The following CNTNAP2 variants were observed in gnomAD, a reference collection of about 807,000 sequenced individuals.
The protein encoded by CNTNAP2 is contactin-associated protein-like 2.
Under a neutral mutation model 155.2 loss-of-function variants are expected in CNTNAP2, and 98 were observed. That is an observed-to-expected ratio of 0.63 (90% CI 0.54 to 0.75). The LOEUF (loss-of-function observed/expected upper bound fraction) is 0.75. Among genes scored for constraint, CNTNAP2 ranks in the 30% least tolerant of loss-of-function variants. The probability of loss-of-function intolerance (pLI) is 0.00; values close to 1 mark genes in which losing one functional copy is unlikely to be tolerated. For synonymous variants in CNTNAP2, 651 were observed against 631.2 expected, an observed-to-expected ratio of 1.03 and a Z score of -0.47; for missense variants, 1,727 against 1,688.1, an observed-to-expected ratio of 1.02 and a Z score of -0.40.
At chr7:147,623,862 T>C (rs933188717) in intron 12 of CNTNAP2, among the ~76,000 whole-genome samples, 84 of 152,068 alleles carry the variant, frequency 5.5e-4, no homozygotes, top group African/African-American at 1.8e-3. Context: ...TAACTTCAAA[T>C]TATGCTACAG....
intron 3 of CNTNAP2, among the ~76,000 whole-genome samples, chr7:146,959,143 C>CCGAGTAA (rs1797501198): frequency 6.6e-6 from 1 of 151,960 alleles, no homozygotes; most frequent in Non-Finnish European, 1.5e-5. Flanking sequence ...CCTCAGCCTG[C>CCGAGTAA]CGAGTAACTG....
At chr7:147,992,973 A>T (rs1036736860) in intron 15 of CNTNAP2, among the ~76,000 whole-genome samples, 33 of 152,252 alleles carry the variant, frequency 2.2e-4, no homozygotes, top group Non-Finnish European at 4.6e-4. Context: ...ACTGAATAGG[A>T]TACAAAGTAG....
chr7:146,694,022 C>T (rs1800742606), intron 1 of CNTNAP2, among the ~76,000 whole-genome samples: 1 of 151,874 alleles, frequency 6.6e-6, no homozygotes, highest in African/African-American at 2.4e-5. Context: ...TAAAAAAAAT[C>T]ATTTCACATA....
intron 1 of CNTNAP2, among the ~76,000 whole-genome samples, chr7:146,454,878 GA>G (rs1796533184): frequency 6.6e-6 from 1 of 152,064 alleles, no homozygotes; most frequent in Non-Finnish European, 1.5e-5. Context: ...TCTGTTAATG[GA>G]AAAATTGTAT....
At chr7:147,159,124 A>G (rs946586957) in intron 8 of CNTNAP2, among the ~76,000 whole-genome samples, 6 of 152,062 alleles carry the variant, frequency 3.9e-5, no homozygotes, top group African/African-American at 1.4e-4. Flanking sequence ...ACTGCACAAC[A>G]TCTTCGGGCA....
At chr7:148,347,732 C>G (rs1260897783) in intron 21 of CNTNAP2, among the ~76,000 whole-genome samples, 1 of 152,082 alleles carries the variant, frequency 6.6e-6, no homozygotes, top group Non-Finnish European at 1.5e-5. Context: ...AGCTCAGAGA[C>G]CAACATAGAG....
At chr7:146,918,201 G>T (rs187060370) in intron 3 of CNTNAP2, among the ~76,000 whole-genome samples, 2 of 152,142 alleles carry the variant, frequency 1.3e-5, no homozygotes, top group East Asian at 3.9e-4. Context: ...GAGAGGTGAG[G>T]TATTGTTTTA....
chr7:146,476,139 A>T lies in CNTNAP2; in HGVS notation c.98-298132A>T, dbSNP rs548291694. On this transcript the variant is annotated intron_variant, in intron 1 of 23. Transcript: ENST00000361727. Reference sequence around the variant, plus strand: ...ACCTAGTCATTTGTACTGGTTTCAGATACAGTAAAATATCAACTTCACCTT... The same window carrying T: ...ACCTAGTCATTTGTACTGGTTTCAGTTACAGTAAAATATCAACTTCACCTT... Among the ~76,000 whole-genome samples the T allele has an allele frequency of 2.6e-5, 4 of 152,252 alleles. No individual in the cohort carries two copies. The South Asian group carries it at 8.3e-4, about 32-fold the overall frequency.
chr7:147,785,457 A>G (rs1273256926), intron 13 of CNTNAP2, among the ~76,000 whole-genome samples: 1 of 152,132 alleles, frequency 6.6e-6, no homozygotes, highest in African/African-American at 2.4e-5. Context: ...TGGTAGAATA[A>G]TAGGTGGGAA....
intron 1 of CNTNAP2, among the ~76,000 whole-genome samples, chr7:146,370,739 C>G (rs1043449576): frequency 1.3e-5 from 2 of 151,972 alleles, no homozygotes; most frequent in African/African-American, 4.8e-5. Flanking sequence ...AAGACAAAGA[C>G]AAATGAAAGA....
chr7:147,952,945 G>A (rs936903089), intron 14 of CNTNAP2, among the ~76,000 whole-genome samples: 15 of 152,132 alleles, frequency 9.9e-5, no homozygotes, highest in African/African-American at 3.1e-4. Context: ...TTGCACCTGA[G>A]AAACGTAGAG....
At chr7:146,246,410 A>G (rs763720659) in intron 1 of CNTNAP2, among the ~76,000 whole-genome samples, 8 of 150,636 alleles carry the variant, frequency 5.3e-5, no homozygotes, top group South Asian at 2.1e-4. Flanking sequence ...TTAAAAGAGT[A>G]TTGTCTAAGT....
intron 15 of CNTNAP2, among the ~76,000 whole-genome samples, chr7:148,077,682 T>C (rs1050446184): frequency 5.3e-5 from 8 of 152,198 alleles, no homozygotes; most frequent in Non-Finnish European, 1.2e-4. Context: ...GGCAGTACAA[T>C]TACACATTTT....
intron 3 of CNTNAP2, among the ~76,000 whole-genome samples, chr7:146,951,677 T>C (rs1797316153): frequency 6.6e-6 from 1 of 152,228 alleles, no homozygotes; most frequent in East Asian, 1.9e-4. Context: ...ACCAGTACCA[T>C]GCTGTTTTGG....
chr7:146,169,024 T>C (rs1798352545), intron 1 of CNTNAP2, among the ~76,000 whole-genome samples: 1 of 152,196 alleles, frequency 6.6e-6, no homozygotes, highest in African/African-American at 2.4e-5. Flanking sequence ...TATTTGAACC[T>C]CAGGACCTTT....
intron 10 of CNTNAP2, among the ~76,000 whole-genome samples, chr7:147,483,586 T>C (rs904021678): frequency 6.6e-6 from 1 of 152,210 alleles, no homozygotes; most frequent in East Asian, 1.9e-4. Context: ...TTCCCCCGAA[T>C]TAATTGATAT....
chr7:147,787,005 G>C (rs1797750882), intron 13 of CNTNAP2, among the ~76,000 whole-genome samples: 1 of 148,914 alleles, frequency 6.7e-6, no homozygotes, highest in Non-Finnish European at 1.5e-5. Flanking sequence ...GGAAGGGAGG[G>C]AAAAAGAGAG....
intron 13 of CNTNAP2, among the ~76,000 whole-genome samples, chr7:147,727,796 A>G (rs2116460411): frequency 7.0e-6 from 1 of 142,434 alleles, no homozygotes; most frequent in Non-Finnish European, 1.5e-5. Context: ...TTCTTCCCCT[A>G]CCAAATAAAT....
At chr7:147,382,847 C>T (rs185638944) in intron 9 of CNTNAP2, among the ~76,000 whole-genome samples, 1 of 152,252 alleles carries the variant, frequency 6.6e-6, no homozygotes, top group East Asian at 1.9e-4. Context: ...TGATGTAGTA[C>T]ATTGTCAGCC....
Sources: allele counts gnomAD v4.1 joint callset (sites outside exome capture counted in the v4.1 genomes callset), GRCh38; gene constraint gnomAD v4.1.1; transcripts MANE v1.5; gene names NCBI Gene and HGNC (gene_info 2026-07-23, HGNC 2026-07-21).